PLA2G4C: variants seen among roughly 807,000 people sequenced by gnomAD.
The protein encoded by PLA2G4C is cytosolic phospholipase A2 gamma.
Under a neutral mutation model 73.8 loss-of-function variants are expected in PLA2G4C, and 64 were observed. The ratio of observed to expected loss-of-function variants is 0.87; its 90% CI spans 0.71 to 1.07. PLA2G4C has a LOEUF of 1.07. Among genes scored for constraint, PLA2G4C ranks in the 50% least tolerant of loss-of-function variants. The pLI is 0.00. For missense variants in PLA2G4C, 622 were observed against 665.4 expected (o/e 0.93, Z 0.72); for synonymous variants, 254 against 252.1 (o/e 1.01, Z -0.07).
intron 7 of PLA2G4C, among the ~76,000 whole-genome samples, chr19:48,091,425 T>C (rs1181348255): frequency 6.6e-6 from 1 of 152,074 alleles, no homozygotes; most frequent in Non-Finnish European, 1.5e-5. Context: ...TGACCTCAAG[T>C]GATCTGCCCG....
intron 8 of PLA2G4C, among the ~76,000 whole-genome samples, chr19:48,089,590 G>A (rs1432095687): frequency 6.6e-6 from 1 of 152,114 alleles, no homozygotes; most frequent in Non-Finnish European, 1.5e-5. Context: ...GTCAGGCTTG[G>A]CTCTAAGCAT....
intron 7 of PLA2G4C, among the ~76,000 whole-genome samples, chr19:48,091,570 T>G (rs963801725): frequency 3.9e-5 from 6 of 152,116 alleles, no homozygotes; most frequent in African/African-American, 1.4e-4. Context: ...CAAACACATT[T>G]GTATATGATA....
intron 13 of PLA2G4C, among the ~76,000 whole-genome samples, chr19:48,066,862 G>T (rs12979311): frequency 1.3e-4 from 20 of 151,984 alleles, no homozygotes; most frequent in African/African-American, 4.3e-4. Flanking sequence ...CCAGCTATTC[G>T]GGAGGCTGAA....
At chr19:48,073,678 A>T (rs1267787741) in intron 12 of PLA2G4C, among the ~76,000 whole-genome samples, 3 of 152,096 alleles carry the variant, frequency 2.0e-5, no homozygotes, top group African/African-American at 7.2e-5. Flanking sequence ...GATGCTGTAC[A>T]GGAAGCGTGG....
intron 8 of PLA2G4C, among the ~76,000 whole-genome samples, chr19:48,089,953 A>C (rs1600228239): frequency 6.6e-6 from 1 of 152,330 alleles, no homozygotes; most frequent in African/African-American, 2.4e-5. Context: ...AAAGGGGTTA[A>C]ATGTTAAATG....
At chr19:48,077,852 G>A in intron 10 of PLA2G4C, 28 bp from the exon 11 acceptor site, 5 of 1,587,920 alleles carry the variant, frequency 3.1e-6, no homozygotes, top group Non-Finnish European at 4.3e-6. Flanking sequence ...CAGGGGGAAT[G>A]TTTAACTGTA....
intron 3 of PLA2G4C, 35 bp downstream of exon 3, chr19:48,105,298 G>C: frequency 6.8e-7 from 1 of 1,463,100 alleles, no homozygotes; most frequent in South Asian, 1.2e-5. Context: ...GGGCGATTCT[G>C]GGATCTCTGG....
chr19:48,055,389 G>GTATATATATATATATA lies in PLA2G4C; in HGVS notation c.1258-356_1258-341dup, dbSNP rs4002927. On this transcript the variant is annotated intron_variant, in intron 14 of 16. Transcript: ENST00000599921. ...AGATGTTGGAGACCTCATCTCTACAGTATATATATATATATATATATTTCA... is the reference window on the plus strand; with the variant it reads ...AGATGTTGGAGACCTCATCTCTACAGTATATATATATATATATATATATATATATATATATATTTCA... Among the ~76,000 whole-genome samples, 1,247 of 132,498 alleles carry GTATATATATATATATA rather than the reference G, an allele frequency of 9.4e-3. 49 individuals are homozygous for GTATATATATATATATA. The highest frequency in any genetic ancestry group is 0.032 in the African/African-American group (1,000 of 31,026). The allele number at this position is 132,498 out of a possible 152,430, so 86.9% of individuals were successfully genotyped here. A position where few individuals can be genotyped will look rare whatever the true frequency, so the allele number is the denominator to read the frequency against.
intron 14 of PLA2G4C, among the ~76,000 whole-genome samples, chr19:48,058,607 C>G (rs1158667250): frequency 2.6e-5 from 4 of 152,108 alleles, no homozygotes; most frequent in Non-Finnish European, 4.4e-5. Flanking sequence ...CACCTGAGGT[C>G]AGGAGTTCAA....
rs184773018 is a variant in PLA2G4C, at chr19:48,102,470, G to A, written c.257+2118C>T. 2.1e-4 allele frequency among the ~76,000 whole-genome samples: 32 copies of A among 152,058 alleles called. No individual in the cohort carries two copies. The East Asian group carries it at 5.6e-3, about 27-fold the overall frequency. Reference sequence around the variant, plus strand: ...CGCGCCACTGCACTCCAGCCTGGGCGACAAGAGCAAGACTGTGTCTCCAGA... The same window carrying A: ...CGCGCCACTGCACTCCAGCCTGGGCAACAAGAGCAAGACTGTGTCTCCAGA... On this transcript the variant is annotated intron_variant, in intron 4 of 16. Transcript: ENST00000599921.
At chr19:48,049,621 T>C (rs903945524) in intron 16 of PLA2G4C, among the ~76,000 whole-genome samples, 2 of 152,118 alleles carry the variant, frequency 1.3e-5, no homozygotes, top group African/African-American at 4.8e-5. Flanking sequence ...GTGGAATCAA[T>C]GAATGAAAGA....
At chr19:48,062,441 C>T (rs1968224126) in intron 13 of PLA2G4C, among the ~76,000 whole-genome samples, 1 of 152,066 alleles carries the variant, frequency 6.6e-6, no homozygotes, top group Non-Finnish European at 1.5e-5. Context: ...GAAACCCTGT[C>T]TCTACTAAAA....
At chr19:48,094,244 T>C (rs2031457836) in intron 7 of PLA2G4C, among the ~76,000 whole-genome samples, 1 of 152,184 alleles carries the variant, frequency 6.6e-6, no homozygotes, top group African/African-American at 2.4e-5. Flanking sequence ...TCCAGTCCCT[T>C]ACCATGAATT....
chr19:48,054,868 C>G lies in PLA2G4C; in HGVS notation c.1429+10G>C. On this transcript the variant is annotated intron_variant, in intron 15 of 16. Coordinates refer to ENST00000599921, the MANE Select transcript of PLA2G4C (RefSeq NM_003706.3). The stretch of plus-strand genomic sequence containing the variant: ...AGGTGGCTTCTCACCTGCTCCTCCC[C>G]TGCACCTACCTCCACAGGCATCTAT... 1 of 1,613,780 alleles carries G rather than the reference C, an allele frequency of 6.2e-7. No homozygotes were observed. Among genetic ancestry groups the G allele is most frequent in the South Asian group, 1.1e-5 (1 of 91,068 alleles).
intron 8 of PLA2G4C, among the ~76,000 whole-genome samples, chr19:48,089,584 G>A (rs943270087): frequency 2.0e-5 from 3 of 152,144 alleles, no homozygotes; most frequent in African/African-American, 7.2e-5. Flanking sequence ...CCATGTGTCA[G>A]GCTTGGCTCT....
At chr19:48,061,831 G>A in intron 14 of PLA2G4C, 167 bp downstream of exon 14, 1 of 689,880 alleles carries the variant, frequency 1.4e-6, no homozygotes, top group Non-Finnish European at 2.5e-6. Flanking sequence ...GTGGCCGACC[G>A]CGGGTGCTTC....
At chr19:48,089,656 G>A (rs193244820) in intron 8 of PLA2G4C, among the ~76,000 whole-genome samples, 64 of 152,268 alleles carry the variant, frequency 4.2e-4, no homozygotes, top group South Asian at 6.2e-4. Flanking sequence ...CTGCGACTAC[G>A]TACTATTGTC....
At chr19:48,063,581 C>T (rs983127046) in intron 13 of PLA2G4C, among the ~76,000 whole-genome samples, 6 of 133,208 alleles carry the variant, frequency 4.5e-5, no homozygotes, top group East Asian at 2.4e-4. Flanking sequence ...CCCGTCCCCC[C>T]GCCAACACCC....
chr19:48,095,773 T>C (rs2031535966), intron 6 of PLA2G4C, among the ~76,000 whole-genome samples, 169 bp from the exon 7 acceptor site: 1 of 152,128 alleles, frequency 6.6e-6, no homozygotes, highest in Non-Finnish European at 1.5e-5. Flanking sequence ...CAGACCTGAG[T>C]CTACGCTGCT....
Sources: gnomAD v4.1 joint callset for allele counts (sites outside exome capture counted in the v4.1 genomes callset) on GRCh38, gnomAD v4.1.1 for gene constraint, MANE v1.5 for transcripts, NCBI Gene and HGNC (gene_info 2026-07-23, HGNC 2026-07-21) for gene names.